Variants in ATXN8OS observed in about 807,000 individuals in gnomAD.
ATXN8OS encodes ATXN8 opposite strand (non-protein coding).
chr13:70,128,273 A>G (rs1417596307), intron 2 of ATXN8OS, among the ~76,000 whole-genome samples: 1 of 152,158 alleles, frequency 6.6e-6, no homozygotes, highest in Non-Finnish European at 1.5e-5. Context: ...ATCTAGAATA[A>G]CACAGCTGGG....
chr13:70,124,539 A>G (rs1246198754), intron 2 of ATXN8OS, among the ~76,000 whole-genome samples: 1 of 152,114 alleles, frequency 6.6e-6, no homozygotes, highest in Non-Finnish European at 1.5e-5. Flanking sequence ...GCAATTGAAA[A>G]GACTTTAGCC....
intron 4 of ATXN8OS, among the ~76,000 whole-genome samples, chr13:70,165,729 A>G (rs994636616): frequency 6.6e-6 from 1 of 152,156 alleles, no homozygotes; most frequent in African/African-American, 2.4e-5. Context: ...AATTTAAGAA[A>G]ATTTACATAA....
intron 4 of ATXN8OS, among the ~76,000 whole-genome samples, chr13:70,157,922 C>T (rs990959015): frequency 1.3e-5 from 2 of 151,966 alleles, no homozygotes; most frequent in Non-Finnish European, 2.9e-5. Flanking sequence ...TTAAAATTTC[C>T]AATTAGTACA....
intron 3 of ATXN8OS, among the ~76,000 whole-genome samples, chr13:70,136,766 TAAAC>T (rs1310287577): frequency 2.6e-5 from 4 of 152,176 alleles, no homozygotes; most frequent in African/African-American, 4.8e-5. Flanking sequence ...AATATATACT[TAAAC>T]AAATTATTAT....
intron 2 of ATXN8OS, among the ~76,000 whole-genome samples, chr13:70,120,027 C>T (rs1888335289): frequency 6.6e-6 from 1 of 152,052 alleles, no homozygotes; most frequent in Non-Finnish European, 1.5e-5. Context: ...TAGTTCAACT[C>T]ATGTGACACG....
At chr13:70,146,706 T>A (rs940749206) in intron 3 of ATXN8OS, among the ~76,000 whole-genome samples, 2 of 138,118 alleles carry the variant, frequency 1.4e-5, no homozygotes, top group East Asian at 4.2e-4. Flanking sequence ...TAGGTGGGAA[T>A]TGAACAATGA....
intron 4 of ATXN8OS, among the ~76,000 whole-genome samples, chr13:70,158,093 C>G (rs1309508298): frequency 1.3e-5 from 2 of 152,100 alleles, no homozygotes; most frequent in Non-Finnish European, 2.9e-5. Context: ...CTAGGAAAAG[C>G]CTTGAGATAG....
intron 3 of ATXN8OS, chr13:70,131,313 G>A (rs1566600757): frequency 5.0e-6 from 2 of 398,350 alleles, no homozygotes; most frequent in Non-Finnish European, 8.9e-6. Context: ...TGCTACAGAT[G>A]TCCCCTAAAT....
intron 3 of ATXN8OS, among the ~76,000 whole-genome samples, chr13:70,132,534 A>G (rs1888548746): frequency 6.6e-6 from 1 of 152,072 alleles, no homozygotes; most frequent in South Asian, 2.1e-4. Context: ...CCTGGGTTAC[A>G]GAATCATTCT....
intron 3 of ATXN8OS, among the ~76,000 whole-genome samples, chr13:70,132,307 ATT>A (rs11301182): frequency 0.41 from 58,264 of 142,290 alleles, 11,723 homozygotes; most frequent in Non-Finnish European, 0.43. Context: ...CAAAATTATG[ATT>A]TTTTTTTTTT....
rs377274687 is a variant in ATXN8OS at position 70,139,385 on chromosome 13, T to TG, written n.500-7969dup. 37 of 318,978 alleles carry TG rather than the reference T, an allele frequency of 1.2e-4. 2 individuals are homozygous for TG. Among genetic ancestry groups the TG allele is most frequent in the Non-Finnish European group, 2.0e-5 (4 of 202,632 alleles). The allele number at this position is 318,978 out of a possible 1,614,324, so 19.8% of individuals were successfully genotyped here. A position where few individuals can be genotyped will look rare whatever the true frequency, so the allele number is the denominator to read the frequency against. ...CTACTACTACTACTACTACTACTAC[T>TG]GCTGCTGCTGCTGCTGCTGCTGCTG... is the stretch of plus-strand genomic sequence containing the variant. On this transcript the variant is annotated intron_variant and non_coding_transcript_variant, in intron 3 of 4. Coordinates refer to ENST00000678624, the Ensembl canonical transcript of ATXN8OS.
chr13:70,146,497 A>C (rs1464396697), intron 3 of ATXN8OS, among the ~76,000 whole-genome samples: 2 of 152,206 alleles, frequency 1.3e-5, no homozygotes, highest in African/African-American at 4.8e-5. Context: ...CACAATAGCA[A>C]AGACTTGAAA....
At chr13:70,107,849 G>C (rs1197000985) in exon 1 of ATXN8OS, 42 of 610,412 alleles carry the variant, frequency 6.9e-5, no homozygotes, top group Non-Finnish European at 1.0e-4. Context: ...TGGGCTGCGC[G>C]CTCTGCCAGG....
intron 2 of ATXN8OS, among the ~76,000 whole-genome samples, chr13:70,125,768 A>C (rs1888424307): frequency 6.6e-6 from 1 of 152,128 alleles, no homozygotes; most frequent in African/African-American, 2.4e-5. Flanking sequence ...TATTGATGCC[A>C]GGGATGTTTC....
intron 4 of ATXN8OS, among the ~76,000 whole-genome samples, chr13:70,163,617 TAAATC>T (rs908914000): frequency 8.6e-5 from 13 of 152,006 alleles, no homozygotes; most frequent in Non-Finnish European, 1.5e-5. Context: ...TTCTTTAAAA[TAAATC>T]AAAGCAAATG....
intron 4 of ATXN8OS, among the ~76,000 whole-genome samples, chr13:70,155,797 CA>C (rs34051772): frequency 2.0e-4 from 27 of 137,510 alleles, no homozygotes; most frequent in South Asian, 4.6e-4. Flanking sequence ...AAAACTGAGA[CA>C]AAAAAAAAAT....
At chr13:70,116,313 T>C (rs2137471698) in intron 2 of ATXN8OS, among the ~76,000 whole-genome samples, 1 of 151,204 alleles carries the variant, frequency 6.6e-6, no homozygotes, top group African/African-American at 2.4e-5. Context: ...ATACAGAGAG[T>C]TTTGAAGGAA....
chr13:70,133,871 C>T (rs1888568752), intron 3 of ATXN8OS, among the ~76,000 whole-genome samples: 1 of 152,026 alleles, frequency 6.6e-6, no homozygotes, highest in Non-Finnish European at 1.5e-5. Flanking sequence ...TTTAAGCCAC[C>T]CACTTTCTGG....
chr13:70,125,988 G>A (rs527241743), intron 2 of ATXN8OS, among the ~76,000 whole-genome samples: 43 of 152,146 alleles, frequency 2.8e-4, no homozygotes, highest in Non-Finnish European at 4.9e-4. Flanking sequence ...CAAAGGAGAA[G>A]GGGCCAAATC....
Sources: gnomAD v4.1 joint callset for allele counts (sites outside exome capture counted in the v4.1 genomes callset) on GRCh38, gnomAD v4.1.1 for gene constraint, MANE v1.5 for transcripts, NCBI Gene and HGNC (gene_info 2026-07-23, HGNC 2026-07-21) for gene names.